GSTK1: variants seen among roughly 807,000 people sequenced by gnomAD.
The protein encoded by GSTK1 is glutathione S-transferase kappa 1.
A neutral mutation model predicts 30.9 loss-of-function variants in GSTK1; 25 were observed. The observed-to-expected ratio is 0.81, with a 90% CI of 0.59 to 1.13. The LOEUF is 1.13. Among genes scored for constraint, GSTK1 ranks in the 50% most tolerant of loss-of-function variants. The pLI, the probability that GSTK1 is intolerant of heterozygous loss-of-function variation, is 0.00. For missense variants in GSTK1, 292 were observed against 292.4 expected (o/e 1.00, Z 0.01); for synonymous variants, 108 against 112.5 (o/e 0.96, Z 0.25).
chr7:143,263,805 C>A, intron 1 of GSTK1: 1 of 604,352 alleles, frequency 1.7e-6, no homozygotes, highest in Non-Finnish European at 2.9e-6. Flanking sequence ...TGCAGTTTCC[C>A]ACGGTGGTGG....
At position 143,263,681 on chromosome 7, in the gene GSTK1, C is replaced by G. The variant is rs551796938; in HGVS notation, c.72+96C>G. 56 of 1,172,936 alleles carry G rather than the reference C, an allele frequency of 4.8e-5. No homozygotes were observed. In the East Asian group the frequency reaches 8.2e-4, roughly 17 times the overall value. The allele number at this position is 1,172,936 out of a possible 1,614,324, so 72.7% of individuals were successfully genotyped here. On this transcript the variant is annotated intron_variant, in intron 1 of 7. Coordinates refer to ENST00000358406, the MANE Select transcript of GSTK1 (RefSeq NM_015917.3). Reference sequence around the variant, plus strand: ...CCGGGACAGAGGTCTCGTGTAACTCCTGGCGCCGCCCAAGGGGTTAAGGCA... The same window carrying G: ...CCGGGACAGAGGTCTCGTGTAACTCGTGGCGCCGCCCAAGGGGTTAAGGCA...
At chr7:143,265,137 C>T in intron 4 of GSTK1, 45 bp downstream of exon 4, 1 of 1,613,496 alleles carries the variant, frequency 6.2e-7, no homozygotes, top group Non-Finnish European at 8.5e-7. Flanking sequence ...CCTTGGATGA[C>T]TTTCTGACCT....
rs1047344644 is a variant in GSTK1, at chr7:143,268,092, C to T, written c.539C>T (p.Ala180Val). Residue 180 changes from alanine (A) to valine (V), a missense_variant and splice_region_variant, in exon 7 of 8, where the codon GCC (alanine) becomes GTC (valine). Transcript: ENST00000358406. The surrounding 1 kb of genome is among the most constrained non-coding windows in gnomAD (Gnocchi z 4.1). ...TTGCATTGTAACTGCTTTCTCCAGG[C>T]CTTTGGGCTGCCCATCACCGTGGCC... Reference protein sequence around the residue: ...ETTEAACRYGAFGLPITVAHV... With the variant: ...ETTEAACRYGVFGLPITVAHV... 2 of 1,612,552 alleles carry T rather than the reference C, an allele frequency of 1.2e-6. No homozygotes were observed. Among genetic ancestry groups the T allele is most frequent in the African/African-American group, 2.7e-5 (2 of 74,880 alleles).
rs746627881 is a variant in GSTK1, at chr7:143,264,081, C to T, written c.73-5C>T. 11 of 1,613,866 alleles carry T rather than the reference C, an allele frequency of 6.8e-6. No individual in the cohort carries two copies. The South Asian group carries it at 8.8e-5, about 13-fold the overall frequency. On this transcript the variant is annotated splice_polypyrimidine_tract_variant and splice_region_variant and intron_variant, in intron 1 of 7. Transcript: ENST00000358406. ...CTGGCAATCGTTCTTGACCTCTGCC[C>T]GCAGATCCTGTGCCGGTATCAGAAT...
chr7:143,265,397 G>A (rs562656700), intron 5 of GSTK1, 101 bp downstream of exon 5: 2 of 1,052,046 alleles, frequency 1.9e-6, no homozygotes, highest in East Asian at 5.2e-5. Context: ...GCATGGAAAA[G>A]GTTATAATTA....
At position 143,268,412 on chromosome 7, in the gene GSTK1, T is replaced by C. The variant is rs1172514353; in HGVS notation, c.631+228T>C. 6.6e-6 allele frequency among the ~76,000 whole-genome samples: 1 copy of C among 151,836 alleles called. No homozygotes were observed. Among genetic ancestry groups the C allele is most frequent in the Non-Finnish European group, 1.5e-5 (1 of 67,988 alleles). ...ATCACTTGAACCTGGGAGGCGGAGG[T>C]TGCAGTGAGCCGAGATCGCGCCACT... On this transcript the variant is annotated intron_variant, in intron 7 of 7. Coordinates refer to ENST00000358406, the MANE Select transcript of GSTK1 (RefSeq NM_015917.3). This position sits in a 1 kb window ranked among gnomAD's most constrained non-coding sequence, Gnocchi z 4.1.
chr7:143,263,652 G>A, intron 1 of GSTK1, 67 bp downstream of exon 1: 1 of 1,463,046 alleles, frequency 6.8e-7, no homozygotes, highest in Non-Finnish European at 9.5e-7. Context: ...GTGAGCGCAG[G>A]GCTCCGGGAC....
intron 2 of GSTK1, 120 bp downstream of exon 2, chr7:143,264,287 T>C (rs1284764724): frequency 1.1e-6 from 1 of 935,320 alleles, no homozygotes. Context: ...CTACTAAAAA[T>C]ACAAAATTAG....
chr7:143,264,728 G>A, intron 3 of GSTK1, 52 bp downstream of exon 3: 1 of 1,606,756 alleles, frequency 6.2e-7, no homozygotes. Flanking sequence ...ACAGAAGTCG[G>A]AGATTGAGGG....
intron 5 of GSTK1, 70 bp downstream of exon 5, chr7:143,265,366 G>C (rs1355434745): frequency 7.7e-6 from 10 of 1,297,158 alleles, no homozygotes; most frequent in Non-Finnish European, 9.5e-6. Flanking sequence ...TGGGGGTAAA[G>C]AAGACAATAG....
At chr7:143,266,387 G>A (rs1036570864) in intron 5 of GSTK1, among the ~76,000 whole-genome samples, 1 of 152,000 alleles carries the variant, frequency 6.6e-6, no homozygotes, top group African/African-American at 2.4e-5. Context: ...AGGTTCCACT[G>A]AGTGGACTTA....
At chr7:143,265,143 G>A in intron 4 of GSTK1, 51 bp downstream of exon 4, 2 of 1,613,264 alleles carry the variant, frequency 1.2e-6, no homozygotes, top group Non-Finnish European at 1.7e-6. Context: ...ATGACTTTCT[G>A]ACCTTCCCCA....
At chr7:143,265,374 T>C in intron 5 of GSTK1, 78 bp downstream of exon 5, 3 of 1,232,534 alleles carry the variant, frequency 2.4e-6, no homozygotes, top group East Asian at 2.5e-5. Flanking sequence ...AAGAAGACAA[T>C]AGGTCTCTTA....
intron 6 of GSTK1, 103 bp downstream of exon 6, chr7:143,267,836 C>A: frequency 1.2e-6 from 1 of 822,674 alleles, no homozygotes; most frequent in Non-Finnish European, 2.0e-6. Flanking sequence ...GCCCCCTTTC[C>A]AAGTGTTCTC....
At position 143,268,790 on chromosome 7, in the gene GSTK1, G is replaced by A. The variant is rs1338280980; in HGVS notation, c.634G>A (p.Glu212Lys). Residue 212 changes from glutamate (E) to lysine (K), a missense_variant and splice_region_variant, in exon 8 of 8, where the codon GAG becomes AAG. Physicochemically the swap from Glu to Lys is moderately conservative, Grantham distance 56. Coordinates refer to ENST00000358406, the MANE Select transcript of GSTK1 (RefSeq NM_015917.3). The surrounding 1 kb of genome is among the most constrained non-coding windows in gnomAD (Gnocchi z 4.1). Reference sequence around the variant, plus strand: ...AGTCTGTTGTTTTCTTCATCCAGGAGAGAAGTGGATGGGCCCTATACCTCC... The same window carrying A: ...AGTCTGTTGTTTTCTTCATCCAGGAAAGAAGTGGATGGGCCCTATACCTCC... ...RMELLAHLLG[E>K]KWMGPIPPAV... 1.9e-6 allele frequency: 3 copies of A among 1,613,810 alleles called. No homozygotes were observed. Among genetic ancestry groups the A allele is most frequent in the Admixed American group, 1.7e-5 (1 of 59,998 alleles).
At chr7:143,264,384 C>T (rs1416135032) in intron 2 of GSTK1, 164 bp from the exon 3 acceptor site, 10 of 813,588 alleles carry the variant, frequency 1.2e-5, no homozygotes, top group East Asian at 1.2e-4. Flanking sequence ...GCGGAGGTTG[C>T]GGTGAGCTGA....
chr7:143,263,552 C>A lies in GSTK1; in HGVS notation c.39C>A (p.Asp13Glu). ...PLPRTVELFY[D>E]VLSPYSWLGF... Reference sequence around the variant, plus strand: ...CGCGCACCGTGGAGCTCTTCTATGACGTGCTGTCCCCCTACTCCTGGCTGG... The same window carrying A: ...CGCGCACCGTGGAGCTCTTCTATGAAGTGCTGTCCCCCTACTCCTGGCTGG... The change falls in exon 1 of 8, where the codon GAC (aspartate) becomes GAA (glutamate). Residue 13 changes from aspartate (D) to glutamate (E), a missense_variant. Asp to Glu is a conservative substitution (Grantham distance 45). Coordinates refer to ENST00000358406, the MANE Select transcript of GSTK1 (RefSeq NM_015917.3). The A allele has an allele frequency of 6.2e-7, 1 of 1,610,654 alleles. No individual in the cohort carries two copies. Among genetic ancestry groups the A allele is most frequent in the Non-Finnish European group, 8.5e-7 (1 of 1,180,012 alleles).
intron 1 of GSTK1, 80 bp from the exon 2 acceptor site, chr7:143,264,006 A>G: frequency 7.8e-7 from 1 of 1,287,730 alleles, no homozygotes; most frequent in Non-Finnish European, 1.1e-6. Flanking sequence ...CTCTGCACTT[A>G]GCGCCTCCCT....
intron 5 of GSTK1, 45 bp downstream of exon 5, chr7:143,265,341 A>C (rs1800845289): frequency 6.6e-7 from 1 of 1,515,274 alleles, no homozygotes. Flanking sequence ...AGAGAATCTG[A>C]GAACAGTTGG....
Sources: gnomAD v4.1 joint callset for allele counts (sites outside exome capture counted in the v4.1 genomes callset) on GRCh38, gnomAD v4.1.1 for gene constraint, Gnocchi (gnomAD v3.1) non-coding constraint, MANE v1.5 for transcripts, NCBI Gene and HGNC (gene_info 2026-07-23, HGNC 2026-07-21) for gene names.